The following FCHSD2 variants were observed in gnomAD, a reference collection of about 807,000 sequenced individuals.
FCHSD2 encodes FCH and double SH3 domains 2.
A neutral mutation model predicts 108.1 loss-of-function variants in FCHSD2; 38 were observed. That is an observed-to-expected ratio of 0.35 (90% confidence interval 0.27 to 0.46). The LOEUF (loss-of-function observed/expected upper bound fraction) is 0.46, where lower values mean the gene tolerates loss of function less well. Among genes scored for constraint, FCHSD2 ranks in the 20% least tolerant of loss-of-function variants. The pLI is 1.00. For missense variants in FCHSD2, 751 were observed against 897.8 expected, an observed-to-expected ratio of 0.84 and a Z score of 2.09; for synonymous variants, 279 against 314.7, an observed-to-expected ratio of 0.89 and a Z score of 1.20.
intron 2 of FCHSD2, among the ~76,000 whole-genome samples, chr11:73,109,416 T>G (rs1407527821): frequency 2.6e-5 from 4 of 152,210 alleles, no homozygotes; most frequent in Non-Finnish European, 5.9e-5. Flanking sequence ...TGTTTTATAG[T>G]TTTCATTGCA....
chr11:72,921,814 T>G lies in FCHSD2; in HGVS notation c.828+14A>C, dbSNP rs1182127050. 1.9e-6 allele frequency: 3 copies of G among 1,607,684 alleles called. No individual in the cohort carries two copies. Among genetic ancestry groups the G allele is most frequent in the Non-Finnish European group, 2.6e-6 (3 of 1,175,526 alleles). ...AGTTGGATAACACTACACGTTGCAC[T>G]AAAGGTAACTTACCTTGCTGGAGTT... is the stretch of plus-strand genomic sequence containing the variant. On this transcript the variant is annotated intron_variant, in intron 9 of 19. Coordinates refer to ENST00000409418, the MANE Select transcript of FCHSD2 (RefSeq NM_014824.3).
chr11:73,122,597 G>C (rs1860760635), intron 2 of FCHSD2, among the ~76,000 whole-genome samples: 1 of 152,180 alleles, frequency 6.6e-6, no homozygotes, highest in African/African-American at 2.4e-5. Flanking sequence ...ATAGGCAAAA[G>C]TAGAAAACTA....
intron 2 of FCHSD2, among the ~76,000 whole-genome samples, chr11:73,130,787 G>T (rs568533480): frequency 1.3e-5 from 2 of 152,256 alleles, no homozygotes; most frequent in African/African-American, 4.8e-5. Context: ...TAATATGGAA[G>T]TATATATTTA....
At chr11:73,136,962 A>G (rs1861133663) in intron 2 of FCHSD2, among the ~76,000 whole-genome samples, 1 of 152,184 alleles carries the variant, frequency 6.6e-6, no homozygotes, top group Admixed American at 6.5e-5. Context: ...CAGGAGGCGG[A>G]GGTTGCAGTA....
At chr11:73,104,103 T>C (rs1860284870) in intron 2 of FCHSD2, among the ~76,000 whole-genome samples, 1 of 152,262 alleles carries the variant, frequency 6.6e-6, no homozygotes, top group African/African-American at 2.4e-5. Context: ...AAATGCAGGC[T>C]ATCATATAGT....
intron 2 of FCHSD2, among the ~76,000 whole-genome samples, chr11:73,116,213 T>C (rs966872338): frequency 8.5e-5 from 13 of 152,252 alleles, no homozygotes; most frequent in Admixed American, 8.5e-4. Context: ...TTTCTAATAT[T>C]AAATTGTCCT....
Position 73,115,256 on chromosome 11 carries a change from C to T in FCHSD2, c.119+24775G>A, listed in dbSNP as rs116215431. Reference sequence around the variant, plus strand: ...CAATCACAGCACTCTCCCTCCCTGACATGCAGAATCTCCACACCATGCAGC... The same window carrying T: ...CAATCACAGCACTCTCCCTCCCTGATATGCAGAATCTCCACACCATGCAGC... On this transcript the variant is annotated intron_variant, in intron 2 of 19. Coordinates refer to ENST00000409418, the MANE Select transcript of FCHSD2 (RefSeq NM_014824.3). 9.5e-3 allele frequency among the ~76,000 whole-genome samples: 1,453 copies of T among 152,302 alleles called. 27 individuals carry two copies. The highest frequency in any genetic ancestry group is 0.033 in the African/African-American group (1,366 of 41,542).
chr11:73,035,696 TTTTATTTA>T lies in FCHSD2; in HGVS notation c.166-19819_166-19812del, dbSNP rs35623691. On this transcript the variant is annotated intron_variant, in intron 3 of 19. Transcript: ENST00000409418. ...ACTGAACAGTACTGAAATGTTCAGT[TTTTATTTA>T]TTTATTTATTTATTTATTTATTTAT... Among the ~76,000 whole-genome samples the T allele has an allele frequency of 8.9e-4, 112 of 125,934 alleles. 2 individuals carry two copies. Among genetic ancestry groups the T allele is most frequent in the Middle Eastern group, 3.7e-3 (1 of 270 alleles). 82.6% of individuals were successfully genotyped at this position (125,934 alleles called of 152,430 possible).
At chr11:72,979,086 G>C (rs1435935718) in intron 8 of FCHSD2, among the ~76,000 whole-genome samples, 1 of 152,004 alleles carries the variant, frequency 6.6e-6, no homozygotes, top group African/African-American at 2.4e-5. Flanking sequence ...TCAAACTCCT[G>C]ACCTCAGGTG....
At chr11:72,896,065 T>C (rs761580459) in intron 10 of FCHSD2, among the ~76,000 whole-genome samples, 3 of 152,244 alleles carry the variant, frequency 2.0e-5, no homozygotes, top group African/African-American at 2.4e-5. Context: ...ACTCCCCTTA[T>C]GTAAAACTTT....
Position 72,953,821 on chromosome 11 carries a change from T to C in FCHSD2, c.705+30267A>G, listed in dbSNP as rs141383130. Among the ~76,000 whole-genome samples the C allele has an allele frequency of 3.5e-3, 528 of 152,304 alleles. 5 individuals carry two copies. Among genetic ancestry groups the C allele is most frequent in the African/African-American group, 0.012 (511 of 41,562 alleles). On this transcript the variant is annotated intron_variant, in intron 8 of 19. Transcript: ENST00000409418. Reference sequence around the variant, plus strand: ...TGGAGTGAGGGAGTATCGAGTTCTGTGGCTCTCTGGCATTAAGAGCTTGCT... The same window carrying C: ...TGGAGTGAGGGAGTATCGAGTTCTGCGGCTCTCTGGCATTAAGAGCTTGCT...
chr11:72,878,082 T>C (rs1356527307), intron 12 of FCHSD2, among the ~76,000 whole-genome samples: 6 of 151,992 alleles, frequency 3.9e-5, no homozygotes, highest in East Asian at 1.9e-4. Context: ...AAAAAGAACA[T>C]AAATAAATGT....
In FCHSD2 at chr11:73,064,776, T is replaced by C. The variant is rs553552240; in HGVS notation, c.165+18919A>G. ...ATCTAGAAGAAATGGATAAATTCCT[T>C]GACACATACACCCTCCGAAGTCTAA... On this transcript the variant is annotated intron_variant, in intron 3 of 19. Coordinates refer to ENST00000409418, the MANE Select transcript of FCHSD2 (RefSeq NM_014824.3). 3.5e-3 allele frequency among the ~76,000 whole-genome samples: 532 copies of C among 152,218 alleles called. 1 individual carries two copies. The highest frequency in any genetic ancestry group is 0.012 in the African/African-American group (510 of 41,546).
At chr11:72,937,474 T>C (rs1405553954) in intron 8 of FCHSD2, among the ~76,000 whole-genome samples, 1 of 152,220 alleles carries the variant, frequency 6.6e-6, no homozygotes, top group Non-Finnish European at 1.5e-5. Flanking sequence ...TGAGTATTCC[T>C]TACATTGACA....
At chr11:72,879,938 G>T (rs1325786358) in intron 12 of FCHSD2, among the ~76,000 whole-genome samples, 1 of 146,566 alleles carries the variant, frequency 6.8e-6, no homozygotes, top group African/African-American at 2.5e-5. Flanking sequence ...GGCGGAGCTT[G>T]ACGTGAGCCG....
intron 4 of FCHSD2, among the ~76,000 whole-genome samples, chr11:73,013,074 A>G (rs1857895326): frequency 6.6e-6 from 1 of 152,208 alleles, no homozygotes; most frequent in South Asian, 2.1e-4. Context: ...CCTCTCATGG[A>G]AACATTTCAA....
At chr11:72,895,400 A>G (rs1311535293) in intron 10 of FCHSD2, among the ~76,000 whole-genome samples, 1 of 152,244 alleles carries the variant, frequency 6.6e-6, no homozygotes, top group Non-Finnish European at 1.5e-5. Flanking sequence ...AAATGGCATA[A>G]AAACCTTGCG....
intron 2 of FCHSD2, among the ~76,000 whole-genome samples, chr11:73,116,973 ATC>A (rs1453260233): frequency 4.0e-5 from 6 of 151,690 alleles, no homozygotes; most frequent in South Asian, 2.1e-4. Context: ...CTATTGTTAT[ATC>A]TCTGTTTCAT....
intron 2 of FCHSD2, among the ~76,000 whole-genome samples, chr11:73,136,047 G>A (rs1861113076): frequency 6.6e-6 from 1 of 151,640 alleles, no homozygotes; most frequent in African/African-American, 2.4e-5. Flanking sequence ...ATAGTCCTAG[G>A]TACTTGGGAG....
Sources: gnomAD v4.1 joint callset for allele counts (sites outside exome capture counted in the v4.1 genomes callset) on GRCh38, gnomAD v4.1.1 for gene constraint, MANE v1.5 for transcripts, NCBI Gene and HGNC (gene_info 2026-07-23, HGNC 2026-07-21) for gene names.